DST: variants seen among roughly 807,000 people sequenced by gnomAD.
The protein encoded by DST is dystonin.
In DST, 253 loss-of-function variants were observed where a neutral mutation model predicts 875.2. The ratio of observed to expected loss-of-function variants is 0.29; its 90% CI spans 0.26 to 0.32. The LOEUF (loss-of-function observed/expected upper bound fraction) is 0.32. Among genes scored for constraint, DST ranks in the 10% least tolerant of loss-of-function variants. DST has a pLI of 1.00. For missense variants in DST, 8,287 were observed against 9,111.6 expected (o/e 0.91, Z 3.68); for synonymous variants, 3,124 against 3,197.1 (o/e 0.98, Z 0.77).
intron 4 of DST, among the ~76,000 whole-genome samples, chr6:56,787,891 C>A (rs1315346896): frequency 2.6e-5 from 4 of 151,954 alleles, no homozygotes; most frequent in African/African-American, 9.7e-5. Flanking sequence ...GTAATCCCAG[C>A]ACTTTGGGAG....
chr6:56,634,036 C>A, intron 27 of DST, 96 bp downstream of exon 27: 1 of 1,420,704 alleles, frequency 7.0e-7, no homozygotes, highest in Non-Finnish European at 9.9e-7. Context: ...TTGCCGGACT[C>A]CATCCTATTC....
chr6:56,517,703 C>G, intron 69 of DST, 83 bp from the exon 70 acceptor site: 1 of 1,445,160 alleles, frequency 6.9e-7, no homozygotes, highest in Non-Finnish European at 9.2e-7. Flanking sequence ...TTGAAATATC[C>G]TTATTACACA....
chr6:56,579,056 A>G, intron 49 of DST, 119 bp from the exon 50 acceptor site: 1 of 854,848 alleles, frequency 1.2e-6, no homozygotes, highest in Non-Finnish European at 1.7e-6. Flanking sequence ...TTTTCATCAT[A>G]CCAACTTTCA....
intron 3 of DST, among the ~76,000 whole-genome samples, chr6:56,867,652 T>C (rs1562231362): frequency 6.6e-6 from 1 of 152,158 alleles, no homozygotes; most frequent in Admixed American, 6.5e-5. Flanking sequence ...AAACCCCGTC[T>C]CTACTAAAAA....
At chr6:56,616,524 C>G in intron 36 of DST, 2 of 1,614,154 alleles carry the variant, frequency 1.2e-6, no homozygotes, top group South Asian at 2.2e-5. Context: ...CATTGGGACT[C>G]TACATCAAAT....
intron 66 of DST, 103 bp downstream of exon 66, chr6:56,529,344 AT>A: frequency 1.0e-6 from 1 of 981,892 alleles, no homozygotes; most frequent in South Asian, 2.6e-5. Context: ...AAGTACAGCA[AT>A]TCATCGAAAT....
At chr6:56,857,742 C>T (rs532761623) in intron 3 of DST, among the ~76,000 whole-genome samples, 1 of 152,238 alleles carries the variant, frequency 6.6e-6, no homozygotes, top group East Asian at 1.9e-4. Context: ...ATATTAACTT[C>T]CTCGATGTTG....
At chr6:56,923,872 C>T (rs1418391233) in intron 2 of DST, among the ~76,000 whole-genome samples, 3 of 152,098 alleles carry the variant, frequency 2.0e-5, no homozygotes, top group African/African-American at 7.2e-5. Context: ...GCCTGTAATC[C>T]CAACACTTTG....
chr6:56,664,689 T>C (rs950683074), intron 10 of DST, among the ~76,000 whole-genome samples: 2 of 152,154 alleles, frequency 1.3e-5, no homozygotes, highest in African/African-American at 4.8e-5. Flanking sequence ...GTCTTTTGAT[T>C]GAAAATTAAG....
intron 49 of DST, among the ~76,000 whole-genome samples, chr6:56,580,746 T>C (rs1207924818): frequency 8.3e-6 from 1 of 120,600 alleles, no homozygotes; most frequent in Non-Finnish European, 1.8e-5. Context: ...TTTTTTTTGG[T>C]TGGGGGGGCA....
At position 56,954,470 on chromosome 6, in the gene DST, G is replaced by C; in HGVS notation, c.118C>G (p.Arg40Gly). Residue 40 changes from arginine (R) to glycine (G), a missense_variant, in exon 1 of 104, where the codon CGC becomes GGC. Coordinates refer to ENST00000680361, the MANE Select transcript of DST (RefSeq NM_001374736.1). ...ATIVFFCCWH[R>G]KLQKGRHPMK... ...GGATGCCTCCCTTTCTGGAGCTTGC[G>C]GTGCCAGCAGCAGAAGAAGACGATG... 1 of 1,367,548 alleles carries C rather than the reference G, an allele frequency of 7.3e-7. No individual in the cohort carries two copies. The highest frequency in any genetic ancestry group is 9.8e-7 in the Non-Finnish European group (1 of 1,021,822). The allele number at this position is 1,367,548 out of a possible 1,614,324, so 84.7% of individuals were successfully genotyped here. A position where few individuals can be genotyped will look rare whatever the true frequency, so the allele number is the denominator to read the frequency against.
At chr6:56,514,672 A>G (rs770915092) in intron 72 of DST, among the ~76,000 whole-genome samples, 7 of 151,970 alleles carry the variant, frequency 4.6e-5, no homozygotes, top group Non-Finnish European at 1.0e-4. Context: ...TACATTCTGT[A>G]CAGATCTGGA....
chr6:56,514,314 T>C (rs1456124104), intron 72 of DST, among the ~76,000 whole-genome samples: 1 of 152,210 alleles, frequency 6.6e-6, no homozygotes. Flanking sequence ...TCTACATACT[T>C]GTCTTTCTCC....
intron 4 of DST, among the ~76,000 whole-genome samples, chr6:56,847,817 T>C (rs2099808797): frequency 6.6e-6 from 1 of 152,260 alleles, no homozygotes; most frequent in Non-Finnish European, 1.5e-5. Context: ...TACCGCGTTG[T>C]AACTGTTTAA....
chr6:56,659,345 G>A (rs955685166), intron 10 of DST, among the ~76,000 whole-genome samples: 4 of 152,174 alleles, frequency 2.6e-5, no homozygotes, highest in Non-Finnish European at 5.9e-5. Flanking sequence ...TGAAAAACTC[G>A]AGTGTTTACT....
At chr6:56,522,713 A>G (rs1288732128) in intron 69 of DST, among the ~76,000 whole-genome samples, 1 of 151,758 alleles carries the variant, frequency 6.6e-6, no homozygotes, top group Non-Finnish European at 1.5e-5. Flanking sequence ...CCTTTCTAAC[A>G]GGGTTATTAT....
chr6:56,868,682 C>T (rs1775484739), intron 3 of DST, among the ~76,000 whole-genome samples: 1 of 152,142 alleles, frequency 6.6e-6, no homozygotes, highest in Admixed American at 6.5e-5. Flanking sequence ...ATTTGACAAT[C>T]ACAACTGCTA....
intron 4 of DST, among the ~76,000 whole-genome samples, chr6:56,758,563 T>G (rs1307016371): frequency 6.6e-6 from 1 of 152,204 alleles, no homozygotes; most frequent in East Asian, 1.9e-4. Context: ...TGCTGTTCCA[T>G]GATGTCTGGG....
At chr6:56,643,644 A>G (rs1008705970) in intron 15 of DST, among the ~76,000 whole-genome samples, 3 of 152,240 alleles carry the variant, frequency 2.0e-5, no homozygotes, top group Admixed American at 6.5e-5. Context: ...ATGAAGAAAC[A>G]TGAAGGCATT....
Sources: allele counts gnomAD v4.1 joint callset (sites outside exome capture counted in the v4.1 genomes callset), GRCh38; gene constraint gnomAD v4.1.1; transcripts MANE v1.5; gene names NCBI Gene and HGNC (gene_info 2026-07-23, HGNC 2026-07-21).